The following OTUD7A variants were observed in gnomAD, a reference collection of about 807,000 sequenced individuals.
OTUD7A encodes OTU deubiquitinase 7A.
OTUD7A carries 12 observed loss-of-function variants against 65.7 expected under a neutral mutation model. The observed-to-expected ratio is 0.18, with a 90% confidence interval of 0.12 to 0.30. The LOEUF (loss-of-function observed/expected upper bound fraction) is 0.30, where lower values mean the gene tolerates loss of function less well. Among genes scored for constraint, OTUD7A ranks in the 10% least tolerant of loss-of-function variants. OTUD7A has a pLI of 1.00. For missense variants in OTUD7A, 1,148 were observed against 1,304.8 expected, an observed-to-expected ratio of 0.88 and a Z score of 1.85; for synonymous variants, 641 against 586.3, an observed-to-expected ratio of 1.09 and a Z score of -1.35.
chr15:31,663,824 C>T (rs1373986890), intron 1 of OTUD7A, among the ~76,000 whole-genome samples: 1 of 152,066 alleles, frequency 6.6e-6, no homozygotes, highest in Non-Finnish European at 1.5e-5. Flanking sequence ...CTTTGCTCCC[C>T]TCCCATCCTT....
intron 3 of OTUD7A, among the ~76,000 whole-genome samples, chr15:31,626,051 AAAG>A (rs1159676292): frequency 6.6e-6 from 1 of 152,166 alleles, no homozygotes. Context: ...TTGACCAAGA[AAAG>A]AAGTGAGGAA....
At chr15:31,543,202 G>C (rs1213598051) in intron 5 of OTUD7A, among the ~76,000 whole-genome samples, 2 of 151,878 alleles carry the variant, frequency 1.3e-5, no homozygotes, top group Non-Finnish European at 3.0e-5. Context: ...TCCCTGTCTT[G>C]CCTGGGTGTA....
At chr15:31,801,668 CTGTGTGTA>C (rs1896128500) in intron 1 of OTUD7A, among the ~76,000 whole-genome samples, 1 of 152,124 alleles carries the variant, frequency 6.6e-6, no homozygotes, top group South Asian at 2.1e-4. Flanking sequence ...CTACATTGTG[CTGTGTGTA>C]TGTGTGTATG....
chr15:31,778,721 A>ATG (rs1173684342), intron 1 of OTUD7A, among the ~76,000 whole-genome samples: 15 of 151,698 alleles, frequency 9.9e-5, no homozygotes, highest in Non-Finnish European at 1.6e-4. Flanking sequence ...AGTAAACAAG[A>ATG]TGTGTGTGTC....
At chr15:31,868,991 A>G (rs1897952573) in intron 1 of OTUD7A, among the ~76,000 whole-genome samples, 1 of 152,176 alleles carries the variant, frequency 6.6e-6, no homozygotes, top group Non-Finnish European at 1.5e-5. Flanking sequence ...ATTTTAACCA[A>G]TTAGGAGGTG....
chr15:31,548,227 A>AC (rs1233598180), intron 5 of OTUD7A, among the ~76,000 whole-genome samples: 5 of 118,972 alleles, frequency 4.2e-5, no homozygotes, highest in Non-Finnish European at 8.0e-5. Context: ...GCCCTGGGCC[A>AC]CCCCCCTTCA....
intron 1 of OTUD7A, among the ~76,000 whole-genome samples, chr15:31,771,712 A>G (rs1439413157): frequency 1.3e-5 from 2 of 152,126 alleles, no homozygotes; most frequent in Non-Finnish European, 2.9e-5. Flanking sequence ...CAGCATCACA[A>G]TGTTTGAAGT....
chr15:31,487,277 G>A lies in OTUD7A; in HGVS notation c.1288C>T (p.Leu430Phe). ...DDNDNARLAH[L>F]ILSLEAKLNL... ...AGCTTGGCTTCTAGCGACAGGATAAGGCTGGCAAGAGAAGAATATCCTATT... is the reference window on the plus strand; with the variant it reads ...AGCTTGGCTTCTAGCGACAGGATAAAGCTGGCAAGAGAAGAATATCCTATT... The change falls in exon 12 of 13, where the codon CTT becomes TTT. Residue 430 changes from leucine to phenylalanine, a missense_variant and splice_region_variant. Physicochemically the swap from Leu to Phe is conservative, Grantham distance 22. This residue lies in a region of OTUD7A where 842 missense variants were observed against 769.5 expected (regional missense o/e 1.09). Transcript: ENST00000307050. The surrounding 1 kb of genome is among the most constrained non-coding windows in gnomAD (Gnocchi z 6.0). 6.2e-7 allele frequency: 1 copy of A among 1,613,970 alleles called. No homozygotes were observed. The highest frequency in any genetic ancestry group is 8.5e-7 in the Non-Finnish European group (1 of 1,179,910).
intron 1 of OTUD7A, among the ~76,000 whole-genome samples, chr15:31,663,282 C>T (rs1566965881): frequency 6.7e-6 from 1 of 150,358 alleles, no homozygotes; most frequent in Non-Finnish European, 1.5e-5. Context: ...CACACACACA[C>T]AAGTTTTTAA....
At chr15:31,862,009 T>C (rs565854365) in intron 1 of OTUD7A, among the ~76,000 whole-genome samples, 1 of 152,124 alleles carries the variant, frequency 6.6e-6, no homozygotes, top group Non-Finnish European at 1.5e-5. Context: ...GGGAATATAC[T>C]TAGGGTGGGG....
intron 1 of OTUD7A, among the ~76,000 whole-genome samples, chr15:31,807,855 C>G (rs1394495702): frequency 6.6e-6 from 1 of 152,062 alleles, no homozygotes; most frequent in Non-Finnish European, 1.5e-5. Flanking sequence ...GACTGTTGAC[C>G]TGAACCTTTC....
chr15:31,622,430 T>A (rs1306449502), intron 3 of OTUD7A, among the ~76,000 whole-genome samples: 1 of 152,230 alleles, frequency 6.6e-6, no homozygotes, highest in African/African-American at 2.4e-5. Context: ...TCTTTTCACA[T>A]AGTCCCATAT....
intron 1 of OTUD7A, 71 bp downstream of exon 1, chr15:31,870,436 G>A (rs1439820196): frequency 6.8e-6 from 1 of 146,772 alleles, no homozygotes; most frequent in Non-Finnish European, 1.5e-5. Context: ...CGCGCCCGGA[G>A]AGCGCACCTG....
At chr15:31,704,539 T>C (rs191899724) in intron 1 of OTUD7A, among the ~76,000 whole-genome samples, 134 of 150,466 alleles carry the variant, frequency 8.9e-4, no homozygotes, top group Non-Finnish European at 1.6e-3. Context: ...AGCAGTTTAA[T>C]CTGGACAAAT....
intron 1 of OTUD7A, among the ~76,000 whole-genome samples, chr15:31,661,359 G>A (rs943611047): frequency 3.3e-5 from 5 of 152,136 alleles, no homozygotes; most frequent in African/African-American, 1.2e-4. Context: ...AGAAAGTGGG[G>A]CACTAGAAAT....
intron 1 of OTUD7A, among the ~76,000 whole-genome samples, chr15:31,754,911 G>A (rs1349482773): frequency 2.0e-5 from 3 of 152,228 alleles, no homozygotes; most frequent in Non-Finnish European, 4.4e-5. Context: ...GCTGGAGTAG[G>A]GGTATGAAGG....
At chr15:31,584,863 G>T (rs79955335) in intron 3 of OTUD7A, among the ~76,000 whole-genome samples, 1,749 of 152,276 alleles carry the variant, frequency 0.011, 42 homozygotes, top group African/African-American at 0.04. Context: ...GATTTATCTA[G>T]TGGAGTATAG....
intron 1 of OTUD7A, among the ~76,000 whole-genome samples, chr15:31,822,735 C>T (rs753257814): frequency 1.3e-5 from 2 of 152,230 alleles, no homozygotes; most frequent in Non-Finnish European, 2.9e-5. Context: ...GACTTCATCT[C>T]TAATCCAGGC....
At position 31,635,932 on chromosome 15, in the gene OTUD7A, A is replaced by G. The variant is rs990193512; in HGVS notation, c.151+19164T>C. Among the ~76,000 whole-genome samples the G allele has an allele frequency of 2.6e-5, 4 of 152,250 alleles. No individual in the cohort carries two copies. In the East Asian group the frequency reaches 5.8e-4, roughly 22 times the overall value. ...AGCTGGTCTCCGGCAGCATGAAAACAGGGGGCGTGGCAGTTCCTGCCATAA... is the reference window on the plus strand; with the variant it reads ...AGCTGGTCTCCGGCAGCATGAAAACGGGGGGCGTGGCAGTTCCTGCCATAA... On this transcript the variant is annotated intron_variant, in intron 3 of 12. Transcript: ENST00000307050.
Sources: allele counts gnomAD v4.1 joint callset (sites outside exome capture counted in the v4.1 genomes callset), GRCh38; gene constraint gnomAD v4.1.1; regional missense constraint gnomAD v4.1.1; non-coding constraint Gnocchi (gnomAD v3.1); transcripts MANE v1.5; gene names NCBI Gene and HGNC (gene_info 2026-07-23, HGNC 2026-07-21).